MAP3K7: variants seen among roughly 807,000 people sequenced by gnomAD.
The protein encoded by MAP3K7 is TGF-beta activated kinase 1.
In MAP3K7, 21 loss-of-function variants were observed where a neutral mutation model predicts 84.8. That is an observed-to-expected ratio of 0.25 (90% CI 0.18 to 0.36). MAP3K7 has a LOEUF of 0.36. MAP3K7 is among the 10% of genes least tolerant of loss of function. The probability of loss-of-function intolerance (pLI) is 1.00; values close to 1 mark genes in which losing one functional copy is unlikely to be tolerated. For synonymous variants in MAP3K7, 241 were observed against 247.7 expected (o/e 0.97, Z 0.25); for missense variants, 503 against 747.7 (o/e 0.67, Z 3.82).
At chr6:90,567,974 A>G (rs1446963323) in intron 3 of MAP3K7, among the ~76,000 whole-genome samples, 1 of 152,202 alleles carries the variant, frequency 6.6e-6, no homozygotes, top group Non-Finnish European at 1.5e-5. Context: ...CAGAAAACCA[A>G]ACACCACATG....
At chr6:90,562,509 G>A (rs888966676) in intron 3 of MAP3K7, among the ~76,000 whole-genome samples, 8 of 152,190 alleles carry the variant, frequency 5.3e-5, no homozygotes, top group East Asian at 3.9e-4. Context: ...ACTGCAAGGC[G>A]GCAGCGACGC....
intron 5 of MAP3K7, 102 bp from the exon 6 acceptor site, chr6:90,556,726 T>C: frequency 1.7e-6 from 2 of 1,168,808 alleles, no homozygotes; most frequent in Non-Finnish European, 2.4e-6. Context: ...TTAAGCAAAA[T>C]GAATGTTATC....
At chr6:90,520,144 A>C (rs1313523400) in intron 14 of MAP3K7, among the ~76,000 whole-genome samples, 1 of 152,058 alleles carries the variant, frequency 6.6e-6, no homozygotes, top group Non-Finnish European at 1.5e-5. Flanking sequence ...CTCTGAAGCA[A>C]TACAGACTTT....
At chr6:90,564,586 T>C (rs1776637553) in intron 3 of MAP3K7, among the ~76,000 whole-genome samples, 1 of 152,154 alleles carries the variant, frequency 6.6e-6, no homozygotes, top group South Asian at 2.1e-4. Flanking sequence ...CTTAGAGACC[T>C]ACAAAGAGAC....
chr6:90,553,503 C>T lies in MAP3K7; in HGVS notation c.691G>A (p.Glu231Lys), dbSNP rs1776244002. 1 of 1,613,938 alleles carries T rather than the reference C, an allele frequency of 6.2e-7. No individual in the cohort carries two copies. Among genetic ancestry groups the T allele is most frequent in the African/African-American group, 1.3e-5 (1 of 74,908 alleles). ...ATTCGGAAAGCTGGGCCACCAATCT[C>T]ATCAAAGGGTTTCCGACGCGTTATC... is the stretch of plus-strand genomic sequence containing the variant. The part of the protein sequence containing the change: ...EVITRRKPFD[E>K]IGGPAFRIMW... Residue 231 changes from glutamate to lysine, a missense_variant, in exon 7 of 17, where the codon GAG becomes AAG. Glu to Lys is a moderately conservative substitution (Grantham distance 56). Transcript: ENST00000369329.
chr6:90,571,913 AT>A (rs752594706), intron 1 of MAP3K7, 106 bp from the exon 2 acceptor site: 169 of 451,092 alleles, frequency 3.7e-4, no homozygotes, highest in African/African-American at 1.2e-3. Flanking sequence ...AAGACTTTAA[AT>A]TAAAAAAAAA....
chr6:90,522,993 A>C (rs1775200720), intron 14 of MAP3K7, among the ~76,000 whole-genome samples: 1 of 152,198 alleles, frequency 6.6e-6, no homozygotes, highest in Non-Finnish European at 1.5e-5. Context: ...GTATTCTCTT[A>C]AAGTTAGGGA....
intron 5 of MAP3K7, among the ~76,000 whole-genome samples, chr6:90,558,679 T>C (rs1046781135): frequency 2.6e-5 from 4 of 152,114 alleles, no homozygotes; most frequent in African/African-American, 9.7e-5. Flanking sequence ...ATTCATGGGG[T>C]GTAGTTGGAT....
At chr6:90,555,946 G>A (rs1339611132) in intron 6 of MAP3K7, among the ~76,000 whole-genome samples, 1 of 152,090 alleles carries the variant, frequency 6.6e-6, no homozygotes, top group African/African-American at 2.4e-5. Flanking sequence ...TAGCCTTCTT[G>A]TACTTAGGCA....
intron 1 of MAP3K7, among the ~76,000 whole-genome samples, chr6:90,580,551 C>T (rs1777236503): frequency 1.3e-5 from 2 of 152,292 alleles, no homozygotes; most frequent in South Asian, 4.2e-4. Context: ...AAACTCCTGG[C>T]CTCATACAAT....
chr6:90,577,860 T>G (rs1280465374), intron 1 of MAP3K7, among the ~76,000 whole-genome samples: 1 of 152,226 alleles, frequency 6.6e-6, no homozygotes, highest in Non-Finnish European at 1.5e-5. Context: ...TGAAAATCAC[T>G]GCATTCAAGG....
chr6:90,539,249 C>G (rs157691), intron 12 of MAP3K7, among the ~76,000 whole-genome samples: 107,374 of 151,788 alleles, frequency 0.71, 38,349 homozygotes, highest in Middle Eastern at 0.8. Context: ...GCTTTATTAG[C>G]TTAGAGTTGA....
At chr6:90,577,168 T>C (rs942681323) in intron 1 of MAP3K7, among the ~76,000 whole-genome samples, 20 of 152,122 alleles carry the variant, frequency 1.3e-4, no homozygotes, top group African/African-American at 3.6e-4. Flanking sequence ...GTTTTAGAAG[T>C]AGAGTCAATA....
At chr6:90,524,728 G>A (rs962779209) in intron 13 of MAP3K7, among the ~76,000 whole-genome samples, 19 of 151,696 alleles carry the variant, frequency 1.3e-4, no homozygotes, top group African/African-American at 4.6e-4. Context: ...GATAAACAGG[G>A]AAATAAATCT....
Position 90,568,538 on chromosome 6 carries a change from T to C in MAP3K7, c.297+20A>G. ...CCATGTCATTTCTCACAGGTGACCA[T>C]GAAAAAGTAACAAACTTACTGGATT... On this transcript the variant is annotated intron_variant, in intron 3 of 16. Transcript: ENST00000369329. 6.3e-7 allele frequency: 1 copy of C among 1,595,570 alleles called. No individual in the cohort carries two copies. Among genetic ancestry groups the C allele is most frequent in the African/African-American group, 1.3e-5 (1 of 74,218 alleles).
chr6:90,571,639 A>T, intron 2 of MAP3K7, 58 bp downstream of exon 2: 1 of 975,188 alleles, frequency 1.0e-6, no homozygotes, highest in Non-Finnish European at 1.5e-6. Flanking sequence ...TCATAATATT[A>T]AATTCACAGA....
rs898879223 is a variant in MAP3K7 at position 90,525,361 on chromosome 6, A to AT, written c.1357-1579dup. Among the ~76,000 whole-genome samples the AT allele has an allele frequency of 2.6e-4, 40 of 151,542 alleles. No individual in the cohort carries two copies. The East Asian group carries it at 3.1e-3, about 12-fold the overall frequency. ...TTCAAAATTTATTTTTTAAAAACTA[A>AT]TTTTTTTTTGTAGAAATGGGTCTTA... On this transcript the variant is annotated intron_variant, in intron 13 of 16. Transcript: ENST00000369329.
rs3839571 is a variant in MAP3K7, at chr6:90,539,929, T to TA, written c.1292-3529dup. Among the ~76,000 whole-genome samples the TA allele has an allele frequency of 5.3e-5, 8 of 152,044 alleles. No individual in the cohort carries two copies. The East Asian group carries it at 1.5e-3, about 29-fold the overall frequency. On this transcript the variant is annotated intron_variant, in intron 12 of 16. Coordinates refer to ENST00000369329, the MANE Select transcript of MAP3K7 (RefSeq NM_145331.3). ...AATTTACTACTTATCATACTGTTAG[T>TA]AAAAAACCAATATACAATAGAGCTA...
chr6:90,569,869 C>T (rs537902496), intron 2 of MAP3K7, among the ~76,000 whole-genome samples: 1 of 152,228 alleles, frequency 6.6e-6, no homozygotes, highest in East Asian at 1.9e-4. Context: ...CCTTTTTCCA[C>T]TCTTCTTCCT....
Sources: gnomAD v4.1 joint callset for allele counts (sites outside exome capture counted in the v4.1 genomes callset) on GRCh38, gnomAD v4.1.1 for gene constraint, MANE v1.5 for transcripts, NCBI Gene and HGNC (gene_info 2026-07-23, HGNC 2026-07-21) for gene names.